Variants in TRAPPC12 observed in about 807,000 individuals in gnomAD.
TRAPPC12 encodes TPR repeat protein 15.
TRAPPC12 carries 61 observed loss-of-function variants against 69.2 expected under a neutral mutation model. That is an observed-to-expected ratio of 0.88 (90% CI 0.72 to 1.09). The LOEUF (loss-of-function observed/expected upper bound fraction) is 1.09. Ranked by LOEUF, TRAPPC12 falls within the 50% of genes least tolerant of loss-of-function variation. The pLI, the probability that TRAPPC12 is intolerant of heterozygous loss-of-function variation, is 0.00. For synonymous variants in TRAPPC12, 469 were observed against 438.9 expected (o/e 1.07, Z -0.86); for missense variants, 1,101 against 1,016.4 (o/e 1.08, Z -1.13).
intron 6 of TRAPPC12, chr2:3,455,647 T>C (rs1665109730): frequency 6.6e-6 from 1 of 152,224 alleles, no homozygotes; most frequent in Admixed American, 6.5e-5. Context: ...CACAGTGACC[T>C]CCAGTTCCAT....
chr2:3,478,639 A>C (rs1666404469), intron 10 of TRAPPC12: 4 of 520,936 alleles, frequency 7.7e-6, no homozygotes, highest in Non-Finnish European at 1.4e-5. Flanking sequence ...CATCTAAAAA[A>C]TAAAAATAAA....
At chr2:3,462,077 T>C (rs957654373) in intron 8 of TRAPPC12, among the ~76,000 whole-genome samples, 5 of 152,214 alleles carry the variant, frequency 3.3e-5, no homozygotes, top group Admixed American at 6.5e-5. Context: ...AATTATAAAT[T>C]CACAGGACTG....
At chr2:3,423,089 T>C (rs1299233773) in intron 4 of TRAPPC12, among the ~76,000 whole-genome samples, 1 of 152,174 alleles carries the variant, frequency 6.6e-6, no homozygotes, top group Non-Finnish European at 1.5e-5. Flanking sequence ...TCAACACCAA[T>C]ATGGTGACCT....
chr2:3,471,372 C>CCCGCAGGCAGAACTATCATAGCCACGTT (rs1666052302), intron 9 of TRAPPC12, among the ~76,000 whole-genome samples: 1 of 152,180 alleles, frequency 6.6e-6, no homozygotes, highest in Admixed American at 6.5e-5. Flanking sequence ...TCGGCCTCGT[C>CCCGCAGGCAGAACTATCATAGCCACGTT]CCGCAGGCAG....
intron 2 of TRAPPC12, among the ~76,000 whole-genome samples, chr2:3,397,444 A>G (rs953738576): frequency 1.3e-5 from 2 of 151,674 alleles, no homozygotes; most frequent in African/African-American, 4.9e-5. Context: ...TCAACACCCC[A>G]CAGCCCTGTG....
Position 3,443,852 on chromosome 2 carries a change from G to A in TRAPPC12, c.1491G>A (p.Ser497=), listed in dbSNP as rs778075340. The A allele has an allele frequency of 6.8e-6, 11 of 1,613,994 alleles. No homozygotes were observed. Among genetic ancestry groups the A allele is most frequent in the African/African-American group, 2.7e-5 (2 of 74,932 alleles). Residue 497 remains serine, a synonymous_variant, in exon 6 of 12, where the codon TCG becomes TCA. Transcript: ENST00000324266. Reference sequence around the variant, plus strand: ...AGTACCTGGGGAACCCACAGGAGTCGCTGGATAGACTGCACAAGGTGAAGA... The same window carrying A: ...AGTACCTGGGGAACCCACAGGAGTCACTGGATAGACTGCACAAGGTGAAGA... ...LQQYLGNPQE[S]LDRLHKVKTV...
chr2:3,409,167 C>T (rs1296853520), intron 3 of TRAPPC12, among the ~76,000 whole-genome samples: 1 of 152,194 alleles, frequency 6.6e-6, no homozygotes, highest in African/African-American at 2.4e-5. Context: ...TGTGACCATG[C>T]AGTAGCCATC....
chr2:3,423,300 G>A (rs986545324), intron 4 of TRAPPC12, among the ~76,000 whole-genome samples: 3 of 150,246 alleles, frequency 2.0e-5, no homozygotes, highest in South Asian at 2.1e-4. Context: ...AAGCTAAATC[G>A]CATGCATTGC....
At chr2:3,426,856 A>G (rs1439135308) in intron 5 of TRAPPC12, among the ~76,000 whole-genome samples, 1 of 152,162 alleles carries the variant, frequency 6.6e-6, no homozygotes, top group Non-Finnish European at 1.5e-5. Context: ...CATGAGTTGG[A>G]GAGATACAGC....
intron 2 of TRAPPC12, among the ~76,000 whole-genome samples, chr2:3,394,450 A>G (rs1661001878): frequency 6.6e-6 from 1 of 152,048 alleles, no homozygotes; most frequent in African/African-American, 2.4e-5. Context: ...GTGAAACCCC[A>G]TCTCTACTAA....
chr2:3,456,420 A>C (rs980884500), intron 6 of TRAPPC12: 1 of 152,032 alleles, frequency 6.6e-6, no homozygotes, highest in Non-Finnish European at 1.5e-5. Context: ...AAGAAAACAC[A>C]AAAAAAAGTG....
At chr2:3,385,349 TCTC>T (rs1282257211) in intron 1 of TRAPPC12, among the ~76,000 whole-genome samples, 2 of 152,150 alleles carry the variant, frequency 1.3e-5, no homozygotes, top group Non-Finnish European at 2.9e-5. Context: ...TTTATTTTCT[TCTC>T]TTCTCAAAAG....
At chr2:3,408,524 G>A (rs578040736) in intron 3 of TRAPPC12, among the ~76,000 whole-genome samples, 33 of 152,058 alleles carry the variant, frequency 2.2e-4, no homozygotes, top group Admixed American at 4.6e-4. Flanking sequence ...CTACTTGTGG[G>A]GCTGAGGCAG....
chr2:3,423,322 TTGTGTGTG>T (rs34767789), intron 4 of TRAPPC12, among the ~76,000 whole-genome samples: 4 of 149,188 alleles, frequency 2.7e-5, no homozygotes, highest in Admixed American at 6.7e-5. Flanking sequence ...TCGCATGCCT[TTGTGTGTG>T]TGTGTGTGTG....
chr2:3,388,288 ACTT>A lies in TRAPPC12; in HGVS notation c.670_672del (p.Phe224del), dbSNP rs1660610186. 2.5e-6 allele frequency: 4 copies of A among 1,607,542 alleles called. No individual in the cohort carries two copies. The highest frequency in any genetic ancestry group is 3.4e-6 in the Non-Finnish European group (4 of 1,176,962). On this transcript the variant is annotated inframe_deletion, in exon 2 of 12. Transcript: ENST00000324266. ...GCCGCCAGCCACTCCTTGGCCTCGG[ACTT>A]CTTCGACTCCTTTACTACCTCCGCC... is the stretch of plus-strand genomic sequence containing the variant.
chr2:3,469,651 A>T (rs1665976201), intron 9 of TRAPPC12, among the ~76,000 whole-genome samples: 1 of 152,168 alleles, frequency 6.6e-6, no homozygotes, highest in African/African-American at 2.4e-5. Context: ...CAGGTCCCCC[A>T]CACGGCCTCC....
intron 3 of TRAPPC12, 93 bp from the exon 4 acceptor site, chr2:3,421,788 T>G: frequency 8.7e-7 from 1 of 1,147,718 alleles, no homozygotes; most frequent in Non-Finnish European, 1.3e-6. Context: ...TCCAGCAAGG[T>G]GAGCAGCTGT....
chr2:3,449,802 CCTT>C (rs1664755074), intron 6 of TRAPPC12, among the ~76,000 whole-genome samples: 1 of 152,132 alleles, frequency 6.6e-6, no homozygotes, highest in Non-Finnish European at 1.5e-5. Flanking sequence ...GTTTGGTTGC[CCTT>C]CTTTTCTGCT....
intron 3 of TRAPPC12, among the ~76,000 whole-genome samples, chr2:3,408,585 G>T (rs1286306405): frequency 6.6e-6 from 1 of 151,970 alleles, no homozygotes; most frequent in African/African-American, 2.4e-5. Context: ...CCATGATCGG[G>T]CCACAGCACT....
Sources: allele counts gnomAD v4.1 joint callset (sites outside exome capture counted in the v4.1 genomes callset), GRCh38; gene constraint gnomAD v4.1.1; transcripts MANE v1.5; gene names NCBI Gene and HGNC (gene_info 2026-07-23, HGNC 2026-07-21).